Variants in PCNX2 observed in about 807,000 individuals in gnomAD.
PCNX2 encodes the protein pecanex-like protein 2.
PCNX2 carries 168 observed loss-of-function variants against 223.8 expected under a neutral mutation model. That is an observed-to-expected ratio of 0.75 (90% CI 0.66 to 0.85). The LOEUF (loss-of-function observed/expected upper bound fraction) is 0.85, where lower values mean the gene tolerates loss of function less well. Among genes scored for constraint, PCNX2 ranks in the 40% least tolerant of loss-of-function variants. The probability of loss-of-function intolerance (pLI) is 0.00; values close to 1 mark genes in which losing one functional copy is unlikely to be tolerated. For missense variants in PCNX2, 2,507 were observed against 2,675.5 expected (o/e 0.94, Z 1.39); for synonymous variants, 1,006 against 1,052.6 (o/e 0.96, Z 0.86).
At chr1:232,994,507 T>C (rs1669809475) in intron 32 of PCNX2, among the ~76,000 whole-genome samples, 1 of 152,236 alleles carries the variant, frequency 6.6e-6, no homozygotes, top group African/African-American at 2.4e-5. Context: ...TCTTGTCTTG[T>C]CTCAGATGAG....
At chr1:233,037,763 A>G (rs2102853458) in intron 25 of PCNX2, among the ~76,000 whole-genome samples, 1 of 152,352 alleles carries the variant, frequency 6.6e-6, no homozygotes. Flanking sequence ...TTATATTGCA[A>G]CAGTTTTACA....
intron 21 of PCNX2, among the ~76,000 whole-genome samples, chr1:233,113,800 CA>C (rs1675254373): frequency 1.3e-5 from 2 of 152,224 alleles, no homozygotes; most frequent in African/African-American, 4.8e-5. Context: ...TTTGCCTATG[CA>C]GTGGCTGCAT....
rs555432954 is a variant in PCNX2, at chr1:232,990,774, G to A, written c.5792-4234C>T. 7.2e-5 allele frequency among the ~76,000 whole-genome samples: 11 copies of A among 152,302 alleles called. No homozygotes were observed. The highest frequency in any genetic ancestry group is 2.6e-4 in the Admixed American group (4 of 15,298). The stretch of plus-strand genomic sequence containing the variant: ...AGCTCCCACCCACTCCTGCTTGGCC[G>A]TGTGCTGGGTTCCCAGGACTCCAGA... On this transcript the variant is annotated intron_variant, in intron 32 of 33. Coordinates refer to ENST00000258229, the MANE Select transcript of PCNX2 (RefSeq NM_014801.4). The surrounding 1 kb of genome is among the most constrained non-coding windows in gnomAD (Gnocchi z 4.3).
chr1:233,087,705 G>T (rs1490728656), intron 23 of PCNX2, among the ~76,000 whole-genome samples: 1 of 152,114 alleles, frequency 6.6e-6, no homozygotes, highest in Admixed American at 6.5e-5. Flanking sequence ...AGGACGCTGC[G>T]TTCTGATGCC....
intron 1 of PCNX2, among the ~76,000 whole-genome samples, chr1:233,292,427 T>C (rs1661830280): frequency 6.6e-6 from 1 of 152,150 alleles, no homozygotes; most frequent in African/African-American, 2.4e-5. Flanking sequence ...CAAGCTGGTC[T>C]TGTGCTCCTA....
chr1:233,317,671 G>A, the PCNX2 span, among the ~76,000 whole-genome samples: 1 of 152,000 alleles, frequency 6.6e-6, no homozygotes, highest in Non-Finnish European at 1.5e-5. Context: ...ATGAGGGGCG[G>A]GGGGAGAAGG....
chr1:233,155,651 A>C (rs1558290074), intron 19 of PCNX2, among the ~76,000 whole-genome samples: 1 of 152,204 alleles, frequency 6.6e-6, no homozygotes, highest in Non-Finnish European at 1.5e-5. Context: ...GAATCATAAT[A>C]TTATGGAAAC....
At chr1:233,108,814 G>A (rs1674953297) in intron 21 of PCNX2, among the ~76,000 whole-genome samples, 1 of 152,106 alleles carries the variant, frequency 6.6e-6, no homozygotes, top group Non-Finnish European at 1.5e-5. Context: ...AGACAGGGGA[G>A]AGAGGAAAGC....
chr1:233,161,243 G>A (rs912828296), intron 18 of PCNX2, 28 bp downstream of exon 18: 3 of 1,578,326 alleles, frequency 1.9e-6, no homozygotes, highest in South Asian at 1.1e-5. Flanking sequence ...AAGGGGGCAG[G>A]AAGAGTACAA....
At position 233,218,926 on chromosome 1, in the gene PCNX2, T is replaced by C. The variant is rs571232952; in HGVS notation, c.2505-742A>G. ...GACAATCATTTCCAGATAAAACTTTTGGTGTCCGAGTTTACTGTCAAATTT... is the reference window on the plus strand; with the variant it reads ...GACAATCATTTCCAGATAAAACTTTCGGTGTCCGAGTTTACTGTCAAATTT... On this transcript the variant is annotated intron_variant, in intron 10 of 33. Coordinates refer to ENST00000258229, the MANE Select transcript of PCNX2 (RefSeq NM_014801.4). 1.6e-3 allele frequency among the ~76,000 whole-genome samples: 237 copies of C among 152,228 alleles called. 2 individuals carry two copies. Among genetic ancestry groups the C allele is most frequent in the African/African-American group, 5.5e-3 (229 of 41,538 alleles).
At chr1:233,264,106 A>C (rs1039798533) in intron 1 of PCNX2, among the ~76,000 whole-genome samples, 4 of 152,194 alleles carry the variant, frequency 2.6e-5, no homozygotes, top group Admixed American at 2.6e-4. Context: ...CAATCCCTTC[A>C]AGAAACAAAA....
At chr1:233,202,352 A>G (rs577960513) in intron 13 of PCNX2, 1 of 317,520 alleles carries the variant, frequency 3.1e-6, no homozygotes, top group Admixed American at 4.7e-5. Flanking sequence ...TAGTCAATGC[A>G]GAAACTTCTG....
intron 19 of PCNX2, among the ~76,000 whole-genome samples, chr1:233,155,699 C>T (rs998486270): frequency 6.6e-6 from 1 of 152,142 alleles, no homozygotes; most frequent in Non-Finnish European, 1.5e-5. Flanking sequence ...GACTCAACCC[C>T]AATATTTGCT....
intron 24 of PCNX2, among the ~76,000 whole-genome samples, chr1:233,056,175 C>G (rs1358775780): frequency 6.6e-6 from 1 of 152,148 alleles, no homozygotes; most frequent in Admixed American, 6.5e-5. Flanking sequence ...TCTAATGAAG[C>G]AGCACGCATC....
chr1:233,295,225 A>T lies in PCNX2; in HGVS notation c.153+101T>A. On this transcript the variant is annotated intron_variant, in intron 1 of 33. Coordinates refer to ENST00000258229, the MANE Select transcript of PCNX2 (RefSeq NM_014801.4). This position sits in a 1 kb window ranked among gnomAD's most constrained non-coding sequence, Gnocchi z 4.1. ...CCCTTTCCGTCTCTTAAGAATCTCT[A>T]CGAACCCGAAAGCCCGTGAGGCTGA... 6.7e-7 allele frequency: 1 copy of T among 1,498,296 alleles called. No individual in the cohort carries two copies. Among genetic ancestry groups the T allele is most frequent in the Non-Finnish European group, 9.1e-7 (1 of 1,103,960 alleles). 92.8% of individuals were successfully genotyped at this position (1,498,296 alleles called of 1,614,324 possible). A position where few individuals can be genotyped will look rare whatever the true frequency, so the allele number is the denominator to read the frequency against.
intron 25 of PCNX2, among the ~76,000 whole-genome samples, chr1:233,045,707 G>A (rs1449682987): frequency 6.6e-6 from 1 of 152,182 alleles, no homozygotes; most frequent in African/African-American, 2.4e-5. Flanking sequence ...CTAATGAGCT[G>A]GAGACACAAA....
intron 13 of PCNX2, among the ~76,000 whole-genome samples, chr1:233,206,857 A>G (rs1056695377): frequency 6.6e-6 from 1 of 151,920 alleles, no homozygotes; most frequent in Admixed American, 6.6e-5. Flanking sequence ...CTAAAAATAC[A>G]AAAATTAGCC....
intron 23 of PCNX2, among the ~76,000 whole-genome samples, chr1:233,058,884 C>T (rs1414474249): frequency 1.3e-5 from 2 of 152,136 alleles, no homozygotes; most frequent in Middle Eastern, 3.4e-3. Context: ...AGGATGGTCT[C>T]GCTCTCTCGA....
chr1:233,004,460 C>CTT (rs537817732), intron 28 of PCNX2, among the ~76,000 whole-genome samples: 141 of 144,048 alleles, frequency 9.8e-4, no homozygotes, highest in African/African-American at 3.4e-3. Flanking sequence ...ACAGTTTCTC[C>CTT]TTTTTTTTTT....
Sources: allele counts gnomAD v4.1 joint callset (sites outside exome capture counted in the v4.1 genomes callset), GRCh38; gene constraint gnomAD v4.1.1; non-coding constraint Gnocchi (gnomAD v3.1); transcripts MANE v1.5; gene names NCBI Gene and HGNC (gene_info 2026-07-23, HGNC 2026-07-21).